ZNF136: variants seen among roughly 807,000 people sequenced by gnomAD.
ZNF136 encodes the protein zinc finger protein 136, also known as zinc finger protein 136 (clone pHZ-20).
Under a neutral mutation model 11.4 loss-of-function variants are expected in ZNF136, and 8 were observed. The ratio of observed to expected loss-of-function variants is 0.70; its 90% confidence interval spans 0.41 to 1.27. ZNF136 has a LOEUF of 1.27. Among genes scored for constraint, ZNF136 ranks in the 50% most tolerant of loss-of-function variants. ZNF136 has a pLI of 0.01. For synonymous variants in ZNF136, 190 were observed against 207.1 expected, an observed-to-expected ratio of 0.92 and a Z score of 0.71; for missense variants, 590 against 656.5, an observed-to-expected ratio of 0.90 and a Z score of 1.11.
chr19:12,176,799 G>T (rs575712668), intron 1 of ZNF136, among the ~76,000 whole-genome samples: 1 of 152,286 alleles, frequency 6.6e-6, no homozygotes, highest in East Asian at 1.9e-4. Flanking sequence ...GAGAGAGAAA[G>T]CTGGGGAGGA....
intron 1 of ZNF136, 75 bp downstream of exon 1, chr19:12,163,281 G>A: frequency 1.5e-6 from 2 of 1,332,094 alleles, no homozygotes; most frequent in Non-Finnish European, 1.9e-6. Flanking sequence ...CTGTGGCGCG[G>A]CCCGGGCCTT....
chr19:12,181,025 C>T (rs1057483649), intron 1 of ZNF136, among the ~76,000 whole-genome samples: 1 of 152,232 alleles, frequency 6.6e-6, no homozygotes, highest in African/African-American at 2.4e-5. Context: ...AGAGCCCTGT[C>T]TGCCCCCAAC....
intron 1 of ZNF136, among the ~76,000 whole-genome samples, chr19:12,173,945 G>C (rs745583849): frequency 3.8e-4 from 57 of 151,626 alleles, no homozygotes; most frequent in Non-Finnish European, 7.5e-4. Context: ...CACTGTTGTT[G>C]CCCAGGCTGG....
chr19:12,169,039 C>T (rs1199711306), intron 1 of ZNF136, among the ~76,000 whole-genome samples: 3 of 152,074 alleles, frequency 2.0e-5, no homozygotes, highest in Admixed American at 6.6e-5. Flanking sequence ...AATTGAGGAG[C>T]GTTTGTTGGA....
chr19:12,170,013 C>G (rs1312583145), intron 1 of ZNF136, among the ~76,000 whole-genome samples: 17 of 149,904 alleles, frequency 1.1e-4, no homozygotes, highest in Admixed American at 6.1e-4. Flanking sequence ...CCAGGGTGGT[C>G]TCGATCTCCT....
At chr19:12,169,986 G>A (rs1284239434) in intron 1 of ZNF136, among the ~76,000 whole-genome samples, 1 of 151,890 alleles carries the variant, frequency 6.6e-6, no homozygotes, top group South Asian at 2.1e-4. Context: ...AGTAGAGACG[G>A]GGTTTCACTG....
intron 1 of ZNF136, among the ~76,000 whole-genome samples, chr19:12,174,375 G>C (rs537734071): frequency 6.6e-6 from 1 of 152,204 alleles, no homozygotes; most frequent in African/African-American, 2.4e-5. Context: ...TCCCTGTGTC[G>C]AAGTATCTGT....
At position 12,186,105 on chromosome 19, in the gene ZNF136, C is replaced by A. The variant is rs750517657; in HGVS notation, c.131-9C>A. On this transcript the variant is annotated splice_polypyrimidine_tract_variant and intron_variant, in intron 2 of 3. Transcript: ENST00000343979. ...ACTAATTCAGAATTTTTCTGGGTCTCTGTTTTAGGGAAAAAATGGAAGGAC... is the reference window on the plus strand; with the variant it reads ...ACTAATTCAGAATTTTTCTGGGTCTATGTTTTAGGGAAAAAATGGAAGGAC... 6.2e-7 allele frequency: 1 copy of A among 1,606,206 alleles called. No individual in the cohort carries two copies. Among genetic ancestry groups the A allele is most frequent in the Non-Finnish European group, 8.5e-7 (1 of 1,178,074 alleles).
At chr19:12,185,608 C>G (rs543586864) in intron 1 of ZNF136, 177 bp from the exon 2 acceptor site, 1 of 732,366 alleles carries the variant, frequency 1.4e-6, no homozygotes, top group Non-Finnish European at 2.1e-6. Context: ...TTGTTCTACC[C>G]GATAGTTCCA....
rs111616023 is a variant in ZNF136, at chr19:12,168,365, C to T, written c.3+5159C>T. 5.1e-3 allele frequency among the ~76,000 whole-genome samples: 782 copies of T among 152,030 alleles called. 7 individuals are homozygous for T. The highest frequency in any genetic ancestry group is 0.016 in the African/African-American group (681 of 41,470). On this transcript the variant is annotated intron_variant, in intron 1 of 3. Transcript: ENST00000343979. ...CTGGGATTACAGGCATGAGCCACCACGCCCCCGACAAGCCCCGTTTTTGAT... is the reference window on the plus strand; with the variant it reads ...CTGGGATTACAGGCATGAGCCACCATGCCCCCGACAAGCCCCGTTTTTGAT...
intron 1 of ZNF136, among the ~76,000 whole-genome samples, chr19:12,172,204 C>G (rs984759117): frequency 6.6e-6 from 1 of 152,064 alleles, no homozygotes; most frequent in Admixed American, 6.6e-5. Context: ...TTGCCTTGGC[C>G]TCCCAACATG....
At chr19:12,164,299 T>G (rs1977153878) in intron 1 of ZNF136, among the ~76,000 whole-genome samples, 3 of 152,054 alleles carry the variant, frequency 2.0e-5, no homozygotes, top group Non-Finnish European at 4.4e-5. Flanking sequence ...TTTGAAAGAG[T>G]CTCGCTCTGT....
At chr19:12,179,348 C>T (rs1163951291) in intron 1 of ZNF136, among the ~76,000 whole-genome samples, 7 of 148,142 alleles carry the variant, frequency 4.7e-5, no homozygotes, top group Admixed American at 1.4e-4. Context: ...CTCACTCTGT[C>T]GGCCAGGCTG....
At chr19:12,181,195 G>T (rs923702357) in intron 1 of ZNF136, among the ~76,000 whole-genome samples, 2 of 152,198 alleles carry the variant, frequency 1.3e-5, no homozygotes, top group African/African-American at 4.8e-5. Flanking sequence ...GGGAAATGGC[G>T]AGTGTGGGAA....
chr19:12,166,636 GA>G (rs1977190598), intron 1 of ZNF136, among the ~76,000 whole-genome samples: 1 of 152,186 alleles, frequency 6.6e-6, no homozygotes, highest in Admixed American at 6.5e-5. Context: ...CCTCTAATAG[GA>G]TTTTTGTTTA....
chr19:12,187,439 A>G lies in ZNF136; in HGVS notation c.1061A>G (p.His354Arg), dbSNP rs1915140378. 6.2e-7 allele frequency: 1 copy of G among 1,613,962 alleles called. No individual in the cohort carries two copies. Among genetic ancestry groups the G allele is most frequent in the Non-Finnish European group, 8.5e-7 (1 of 1,180,012 alleles). ...AFRSASTFQIHERTHTGEKPY... is the reference protein window; with the variant it reads ...AFRSASTFQIRERTHTGEKPY... ...AGATCTGCCAGTACCTTTCAAATAC[A>G]TGAAAGGACTCACACTGGAGAAAAA... The change falls in exon 4 of 4, where the codon CAT becomes CGT. Residue 354 changes from histidine to arginine, a missense_variant. His to Arg is a conservative substitution (Grantham distance 29). Coordinates refer to ENST00000343979, the MANE Select transcript of ZNF136 (RefSeq NM_003437.5).
chr19:12,174,334 A>G (rs1393764953), intron 1 of ZNF136, among the ~76,000 whole-genome samples: 1 of 152,192 alleles, frequency 6.6e-6, no homozygotes, highest in African/African-American at 2.4e-5. Flanking sequence ...AGAGGGTTGA[A>G]TATTCTCTTG....
chr19:12,175,601 A>T (rs1914771062), intron 1 of ZNF136, among the ~76,000 whole-genome samples: 1 of 152,196 alleles, frequency 6.6e-6, no homozygotes, highest in Non-Finnish European at 1.5e-5. Flanking sequence ...CCGTCCAGCT[A>T]TCAACATTCT....
At chr19:12,168,044 T>C (rs1265090113) in intron 1 of ZNF136, among the ~76,000 whole-genome samples, 1 of 149,196 alleles carries the variant, frequency 6.7e-6, no homozygotes, top group Non-Finnish European at 1.5e-5. Flanking sequence ...CCATTTTTTT[T>C]TCTTTTCTTT....
Sources: gnomAD v4.1 joint callset for allele counts (sites outside exome capture counted in the v4.1 genomes callset) on GRCh38, gnomAD v4.1.1 for gene constraint, MANE v1.5 for transcripts, NCBI Gene and HGNC (gene_info 2026-07-23, HGNC 2026-07-21) for gene names.